MBD5: variants seen among roughly 807,000 people sequenced by gnomAD.
The protein encoded by MBD5 is methyl-CpG binding domain protein 5.
Under a neutral mutation model 117.3 loss-of-function variants are expected in MBD5, and 13 were observed. The ratio of observed to expected loss-of-function variants is 0.11; its 90% CI spans 0.07 to 0.18. MBD5 has a LOEUF of 0.18. Ranked by LOEUF, MBD5 falls within the 10% of genes least tolerant of loss-of-function variation. The probability of loss-of-function intolerance (pLI) is 1.00; values close to 1 mark genes in which losing one functional copy is unlikely to be tolerated. For synonymous variants in MBD5, 727 were observed against 766.4 expected, an observed-to-expected ratio of 0.95 and a Z score of 0.85; for missense variants, 1,879 against 2,093.8, an observed-to-expected ratio of 0.90 and a Z score of 2.00.
At position 148,483,754 on chromosome 2, in the gene MBD5, G is replaced by A. The variant is rs1681243410; in HGVS notation, c.3163G>A (p.Gly1055Arg). Reference sequence around the variant, plus strand: ...TGAGACCCTTTTAACCAGCCCCCTGGGGAACCCTTTACCAAGCTTTGCAGG... The same window carrying A: ...TGAGACCCTTTTAACCAGCCCCCTGAGGAACCCTTTACCAAGCTTTGCAGG... ...RAETLLTSPLGNPLPSFAGSD... is the reference protein window; with the variant it reads ...RAETLLTSPLRNPLPSFAGSD... The change falls in exon 9 of 14, where the codon GGG (glycine) becomes AGG (arginine). Residue 1055 changes from glycine to arginine, a missense_variant. Coordinates refer to ENST00000642680, the MANE Select transcript of MBD5 (RefSeq NM_001378120.1). The A allele has an allele frequency of 1.3e-6, 2 of 1,550,386 alleles. No homozygotes were observed. Among genetic ancestry groups the A allele is most frequent in the East Asian group, 2.4e-5 (1 of 40,938 alleles).
chr2:148,319,975 T>C (rs1702246031), intron 3 of MBD5, among the ~76,000 whole-genome samples: 1 of 152,308 alleles, frequency 6.6e-6, no homozygotes, highest in South Asian at 2.1e-4. Context: ...GGATGCTGAA[T>C]TTTATTGAAT....
At chr2:148,284,818 G>GT (rs1701334302) in intron 3 of MBD5, among the ~76,000 whole-genome samples, 1 of 151,768 alleles carries the variant, frequency 6.6e-6, no homozygotes, top group Non-Finnish European at 1.5e-5. Context: ...ATAGATTTGT[G>GT]TAACTACTCA....
chr2:148,080,615 A>G (rs746501111), intron 1 of MBD5, among the ~76,000 whole-genome samples: 1 of 152,136 alleles, frequency 6.6e-6, no homozygotes, highest in Non-Finnish European at 1.5e-5. Context: ...TTCCATTCTT[A>G]AAGTTTTTAG....
intron 1 of MBD5, among the ~76,000 whole-genome samples, chr2:148,073,349 T>A (rs1695411123): frequency 6.6e-6 from 1 of 152,140 alleles, no homozygotes; most frequent in Admixed American, 6.5e-5. Context: ...CTCTTGGAGT[T>A]ATGCGGTGGG....
chr2:148,170,886 C>T (rs780050012), intron 1 of MBD5, among the ~76,000 whole-genome samples: 1 of 152,082 alleles, frequency 6.6e-6, no homozygotes, highest in African/African-American at 2.4e-5. Context: ...ATTAGATTAC[C>T]TAGAAGTGGA....
At chr2:148,218,753 CA>C (rs1349093535) in intron 2 of MBD5, among the ~76,000 whole-genome samples, 1 of 151,772 alleles carries the variant, frequency 6.6e-6, no homozygotes, top group African/African-American at 2.4e-5. Context: ...TATATCTAAA[CA>C]AAAAAGGTAC....
chr2:148,226,964 G>T (rs1229684564), intron 2 of MBD5, among the ~76,000 whole-genome samples: 1 of 152,068 alleles, frequency 6.6e-6, no homozygotes, highest in African/African-American at 2.4e-5. Flanking sequence ...GGGGTTGTTT[G>T]TTTTTTTCTT....
chr2:148,155,878 G>C (rs971578263), intron 1 of MBD5, among the ~76,000 whole-genome samples: 4 of 152,198 alleles, frequency 2.6e-5, no homozygotes, highest in African/African-American at 9.7e-5. Context: ...TGGTAGCTCT[G>C]ATTTATGAGT....
In MBD5 at chr2:148,059,291, T is replaced by A. The variant is rs539586775; in HGVS notation, c.-925+37607T>A. 1.2e-4 allele frequency among the ~76,000 whole-genome samples: 19 copies of A among 152,096 alleles called. No individual in the cohort carries two copies. In the East Asian group the frequency reaches 3.7e-3, roughly 29 times the overall value. ...AATGTGTGAAAGCCGGTTCTGACAA[T>A]TAAAAAAAAAAGTTTTCTATTTAGT... On this transcript the variant is annotated intron_variant, in intron 1 of 13. Transcript: ENST00000642680.
intron 3 of MBD5, among the ~76,000 whole-genome samples, chr2:148,327,268 C>T (rs982301409): frequency 2.0e-5 from 3 of 152,180 alleles, no homozygotes; most frequent in African/African-American, 7.2e-5. Context: ...CTGCCCTTAA[C>T]ATTTTTTCCT....
At chr2:148,182,637 G>A (rs1471965773) in intron 2 of MBD5, among the ~76,000 whole-genome samples, 1 of 152,108 alleles carries the variant, frequency 6.6e-6, no homozygotes, top group Non-Finnish European at 1.5e-5. Flanking sequence ...CTGGTTCTGG[G>A]GATTTTGGTG....
At chr2:148,076,959 A>G (rs1695524518) in intron 1 of MBD5, among the ~76,000 whole-genome samples, 1 of 152,226 alleles carries the variant, frequency 6.6e-6, no homozygotes, top group African/African-American at 2.4e-5. Context: ...TGTGTCCCAT[A>G]AGCTAAGAAT....
chr2:148,377,975 T>C (rs545274112), intron 4 of MBD5, among the ~76,000 whole-genome samples: 41 of 152,298 alleles, frequency 2.7e-4, no homozygotes, highest in Middle Eastern at 6.8e-3. Context: ...TTGCATTAAT[T>C]TTACATGAAA....
chr2:148,437,600 T>A (rs894954113), intron 4 of MBD5, among the ~76,000 whole-genome samples: 1 of 151,968 alleles, frequency 6.6e-6, no homozygotes, highest in Non-Finnish European at 1.5e-5. Flanking sequence ...ATCTATTTGA[T>A]AAACAAAAAA....
intron 1 of MBD5, among the ~76,000 whole-genome samples, chr2:148,082,676 C>T (rs1695674101): frequency 6.6e-6 from 1 of 152,218 alleles, no homozygotes; most frequent in African/African-American, 2.4e-5. Flanking sequence ...AGTAGGCTCA[C>T]ACATCTACAA....
intron 4 of MBD5, among the ~76,000 whole-genome samples, chr2:148,391,471 G>GA (rs1704570773): frequency 6.6e-6 from 1 of 152,058 alleles, no homozygotes; most frequent in African/African-American, 2.4e-5. Context: ...AGGATGATTT[G>GA]ATGTAATTTA....
At chr2:148,366,486 G>T (rs1703702937) in intron 4 of MBD5, among the ~76,000 whole-genome samples, 1 of 152,086 alleles carries the variant, frequency 6.6e-6, no homozygotes, top group Admixed American at 6.6e-5. Flanking sequence ...GGGCAGTCAG[G>T]CAAGAGAAAG....
intron 3 of MBD5, among the ~76,000 whole-genome samples, chr2:148,269,875 T>A (rs1322133418): frequency 2.0e-5 from 3 of 151,964 alleles, no homozygotes; most frequent in Non-Finnish European, 4.4e-5. Flanking sequence ...AACTTTCTCA[T>A]ATTTTACCCA....
intron 1 of MBD5, chr2:148,054,820 A>G (rs1694813328): frequency 6.6e-6 from 1 of 152,194 alleles, no homozygotes. Flanking sequence ...CTTATGTTCA[A>G]CTTTATTGGA....
Sources: gnomAD v4.1 joint callset for allele counts (sites outside exome capture counted in the v4.1 genomes callset) on GRCh38, gnomAD v4.1.1 for gene constraint, MANE v1.5 for transcripts, NCBI Gene and HGNC (gene_info 2026-07-23, HGNC 2026-07-21) for gene names.